Variants in SHISA9 observed in about 807,000 individuals in gnomAD.
The protein encoded by SHISA9 is shisa family member 9.
In SHISA9, 13 loss-of-function variants were observed where a neutral mutation model predicts 38.0. The observed-to-expected ratio is 0.34, with a 90% confidence interval of 0.22 to 0.54. The LOEUF (loss-of-function observed/expected upper bound fraction) is 0.54. Among genes scored for constraint, SHISA9 ranks in the 20% least tolerant of loss-of-function variants. SHISA9 has a pLI of 0.91. For missense variants in SHISA9, 538 were observed against 575.8 expected, an observed-to-expected ratio of 0.93 and a Z score of 0.67; for synonymous variants, 275 against 242.0, an observed-to-expected ratio of 1.14 and a Z score of -1.27.
At chr16:12,907,695 C>T (rs1369650931) in intron 1 of SHISA9, among the ~76,000 whole-genome samples, 1 of 152,174 alleles carries the variant, frequency 6.6e-6, no homozygotes, top group Non-Finnish European at 1.5e-5. Flanking sequence ...CTCTATTATG[C>T]GTGGTGTTTT....
chr16:13,096,030 C>A (rs2073822538), intron 2 of SHISA9, among the ~76,000 whole-genome samples: 1 of 152,208 alleles, frequency 6.6e-6, no homozygotes, highest in East Asian at 1.9e-4. Context: ...AGAGTGAAAG[C>A]CCTGGAGTCA....
At chr16:13,130,662 A>G (rs2050298591) in intron 2 of SHISA9, among the ~76,000 whole-genome samples, 1 of 152,190 alleles carries the variant, frequency 6.6e-6, no homozygotes, top group Admixed American at 6.5e-5. Flanking sequence ...AAATACATCT[A>G]CACTAGAACT....
intron 2 of SHISA9, among the ~76,000 whole-genome samples, chr16:13,122,081 G>T (rs1567219549): frequency 6.6e-6 from 1 of 152,174 alleles, no homozygotes; most frequent in Non-Finnish European, 1.5e-5. Flanking sequence ...CCCATTGCAG[G>T]AGTCCATTGA....
At chr16:13,325,662 C>T in the SHISA9 span, among the ~76,000 whole-genome samples, 898 of 152,192 alleles carry the variant, frequency 5.9e-3, 7 homozygotes, top group African/African-American at 0.018. Flanking sequence ...AAAGCCCTGA[C>T]GACTAGGAGA....
At chr16:13,319,922 G>A in the SHISA9 span, among the ~76,000 whole-genome samples, 3 of 152,000 alleles carry the variant, frequency 2.0e-5, no homozygotes, top group African/African-American at 7.2e-5. Context: ...GCCAGGCCAG[G>A]AAAAAGGAAA....
At chr16:13,067,158 T>G (rs1318209773) in intron 2 of SHISA9, among the ~76,000 whole-genome samples, 4 of 152,212 alleles carry the variant, frequency 2.6e-5, no homozygotes, top group African/African-American at 9.6e-5. Flanking sequence ...ACAGAGTGCA[T>G]GCTTGACTTA....
chr16:12,957,174 C>T (rs1189606014), intron 2 of SHISA9, among the ~76,000 whole-genome samples: 12 of 152,178 alleles, frequency 7.9e-5, no homozygotes, highest in Admixed American at 2.0e-4. Flanking sequence ...CACAGCTCAG[C>T]AGAGGCACCT....
At chr16:13,095,163 A>G (rs1160144948) in intron 2 of SHISA9, among the ~76,000 whole-genome samples, 6 of 152,216 alleles carry the variant, frequency 3.9e-5, no homozygotes, top group Non-Finnish European at 7.3e-5. Flanking sequence ...ACTTGTGGGC[A>G]ACGTGTATTT....
the SHISA9 span, among the ~76,000 whole-genome samples, chr16:13,520,536 G>T: frequency 6.6e-6 from 1 of 150,762 alleles, no homozygotes; most frequent in Admixed American, 6.6e-5. Context: ...CCGGGAGGTG[G>T]GGGTTGCAGT....
At chr16:13,182,769 A>G (rs1287172616) in intron 2 of SHISA9, among the ~76,000 whole-genome samples, 1 of 152,038 alleles carries the variant, frequency 6.6e-6, no homozygotes, top group Non-Finnish European at 1.5e-5. Context: ...AGAGGGAGAT[A>G]TTGTGATGAC....
chr16:13,097,134 C>G (rs1051089936), intron 2 of SHISA9, among the ~76,000 whole-genome samples: 3 of 152,144 alleles, frequency 2.0e-5, no homozygotes, highest in Non-Finnish European at 2.9e-5. Flanking sequence ...TTGAGTAATA[C>G]TAAATGGGTG....
intron 2 of SHISA9, among the ~76,000 whole-genome samples, chr16:13,185,452 C>A (rs1041730862): frequency 3.9e-5 from 6 of 152,138 alleles, no homozygotes; most frequent in African/African-American, 1.4e-4. Flanking sequence ...GATCTTCCCA[C>A]CTCAGCCTCC....
chr16:13,089,168 A>T (rs1199028540), intron 2 of SHISA9, among the ~76,000 whole-genome samples: 1 of 152,114 alleles, frequency 6.6e-6, no homozygotes, highest in African/African-American at 2.4e-5. Context: ...ATCATGGTGG[A>T]TAAGCTTTTT....
intron 2 of SHISA9, among the ~76,000 whole-genome samples, chr16:13,152,800 C>T (rs1021051106): frequency 4.6e-5 from 7 of 152,230 alleles, no homozygotes; most frequent in Non-Finnish European, 1.0e-4. Flanking sequence ...CAAAGAGGTG[C>T]ACATCCTAAT....
chr16:13,531,776 T>C, the SHISA9 span, among the ~76,000 whole-genome samples: 1 of 152,072 alleles, frequency 6.6e-6, no homozygotes, highest in Non-Finnish European at 1.5e-5. Context: ...TGGGGCGGTG[T>C]GGGGGGCAGG....
At chr16:13,514,229 G>A in the SHISA9 span, among the ~76,000 whole-genome samples, 42,171 of 151,486 alleles carry the variant, frequency 0.28, 6,537 homozygotes, top group East Asian at 0.38. Flanking sequence ...TCCTCACCTC[G>A]TGACCTGCCC....
the SHISA9 span, among the ~76,000 whole-genome samples, chr16:13,249,104 G>T: frequency 6.6e-6 from 1 of 152,172 alleles, no homozygotes; most frequent in Non-Finnish European, 1.5e-5. Context: ...GAAAAGAGGT[G>T]CATGGAAACA....
the SHISA9 span, among the ~76,000 whole-genome samples, chr16:13,459,173 GA>G: frequency 1.3e-5 from 2 of 151,986 alleles, no homozygotes; most frequent in Non-Finnish European, 2.9e-5. Flanking sequence ...TATAGAATGA[GA>G]AAAAAATTAT....
chr16:12,901,958 G>A lies in SHISA9; in HGVS notation c.-107G>A. 1 of 950,756 alleles carries A rather than the reference G, an allele frequency of 1.1e-6. No homozygotes were observed. The highest frequency in any genetic ancestry group is 1.4e-6 in the Non-Finnish European group (1 of 722,628). 58.9% of individuals were successfully genotyped at this position (950,756 alleles called of 1,614,324 possible). On this transcript the variant is annotated 5_prime_UTR_variant, in exon 1 of 5. Coordinates refer to ENST00000558583, the MANE Select transcript of SHISA9 (RefSeq NM_001145204.3). ...GCTCCCTGCATGTGCGGCCCGCGGC[G>A]GCTCGCAGCTCCCGGCAGCAGCCTC...
Sources: allele counts gnomAD v4.1 joint callset (sites outside exome capture counted in the v4.1 genomes callset), GRCh38; gene constraint gnomAD v4.1.1; transcripts MANE v1.5; gene names NCBI Gene and HGNC (gene_info 2026-07-23, HGNC 2026-07-21).